PAX7: variants seen among roughly 807,000 people sequenced by gnomAD.
PAX7 encodes paired box 7.
Under a neutral mutation model 50.7 loss-of-function variants are expected in PAX7, and 18 were observed. The observed-to-expected ratio is 0.36, with a 90% CI of 0.25 to 0.53. The LOEUF is 0.53. PAX7 is among the 20% of genes least tolerant of loss of function. The pLI is 0.93. For missense variants in PAX7, 644 were observed against 702.9 expected (o/e 0.92, Z 0.95); for synonymous variants, 310 against 290.4 (o/e 1.07, Z -0.69).
Position 18,745,215 on chromosome 1 carries a change from T to C in PAX7, c.*286T>C. 1 of 462,248 alleles carries C rather than the reference T, an allele frequency of 2.2e-6. No individual in the cohort carries two copies. Among genetic ancestry groups the C allele is most frequent in the Non-Finnish European group, 3.9e-6 (1 of 256,330 alleles). The allele number at this position is 462,248 out of a possible 1,614,324, so 28.6% of individuals were successfully genotyped here. ...AAATCCCATGGTGGCCTCTGTGCCA[T>C]CTCAGGCATGGAGATTGGGGCCCAC... On this transcript the variant is annotated 3_prime_UTR_variant, in exon 9 of 9. Transcript: ENST00000420770.
At chr1:18,703,417 T>C (rs2089248328) in intron 7 of PAX7, 121 bp downstream of exon 7, 1 of 876,262 alleles carries the variant, frequency 1.1e-6, no homozygotes, top group Non-Finnish European at 1.8e-6. Context: ...GTTGGGGTTT[T>C]TGTTCTAGAA....
intron 4 of PAX7, among the ~76,000 whole-genome samples, chr1:18,683,957 T>G (rs973354892): frequency 6.6e-6 from 1 of 151,358 alleles, no homozygotes; most frequent in African/African-American, 2.4e-5. Flanking sequence ...TGAGGGAGGG[T>G]CGAGGGTTTC....
intron 7 of PAX7, 100 bp downstream of exon 7, chr1:18,703,396 G>A (rs2089248037): frequency 3.8e-6 from 4 of 1,046,182 alleles, no homozygotes; most frequent in Non-Finnish European, 5.8e-6. Flanking sequence ...TCCTGTAGCA[G>A]GCTGACTGCG....
At chr1:18,682,878 T>C (rs1185202431) in intron 4 of PAX7, among the ~76,000 whole-genome samples, 1 of 152,112 alleles carries the variant, frequency 6.6e-6, no homozygotes, top group Non-Finnish European at 1.5e-5. Context: ...TCAAGGGGAA[T>C]ATGCAGAGCC....
chr1:18,733,908 A>T (rs2089678572), intron 7 of PAX7, among the ~76,000 whole-genome samples: 1 of 151,990 alleles, frequency 6.6e-6, no homozygotes, highest in African/African-American at 2.4e-5. Context: ...TCAGTTTTTC[A>T]TCTGGGAAAT....
intron 5 of PAX7, among the ~76,000 whole-genome samples, chr1:18,693,772 T>TGG (rs758537904): frequency 3.8e-5 from 5 of 130,234 alleles, no homozygotes; most frequent in Non-Finnish European, 6.7e-5. Context: ...GGCACATTCC[T>TGG]GGGCGCTTTC....
intron 4 of PAX7, among the ~76,000 whole-genome samples, chr1:18,673,308 C>G (rs2088779057): frequency 6.6e-6 from 1 of 152,186 alleles, no homozygotes; most frequent in African/African-American, 2.4e-5. Flanking sequence ...CACCCGTTAC[C>G]ACTGTTTTAT....
At chr1:18,653,178 G>T (rs959015989) in intron 4 of PAX7, among the ~76,000 whole-genome samples, 46 of 138,610 alleles carry the variant, frequency 3.3e-4, no homozygotes, top group African/African-American at 5.8e-4. Flanking sequence ...GATTTGCTGG[G>T]TTTTTTTCAT....
chr1:18,736,639 A>T (rs994496464), intron 8 of PAX7, among the ~76,000 whole-genome samples: 2 of 152,200 alleles, frequency 1.3e-5, no homozygotes, highest in African/African-American at 4.8e-5. Context: ...TGTGTGTTTT[A>T]CACTTACAGC....
intron 7 of PAX7, among the ~76,000 whole-genome samples, chr1:18,712,841 G>A (rs1037017196): frequency 5.3e-5 from 8 of 152,180 alleles, no homozygotes; most frequent in South Asian, 2.1e-4. Context: ...CAGCACTTTG[G>A]GAGGCTGAGG....
In PAX7 at chr1:18,634,585, G is replaced by A. The variant is rs764549880; in HGVS notation, c.321+47G>A. The A allele has an allele frequency of 5.8e-6, 9 of 1,547,026 alleles. No individual in the cohort carries two copies. The East Asian group carries it at 1.8e-4, about 31-fold the overall frequency. On this transcript the variant is annotated intron_variant, in intron 2 of 8. Transcript: ENST00000420770. The surrounding 1 kb of genome is among the most constrained non-coding windows in gnomAD (Gnocchi z 4.0). ...GCTGGCAGCTGGCTTCCTATAGTCG[G>A]GGGCTCCTGGTTGTGGCCCCTCTTA...
chr1:18,685,703 T>C (rs1216425050), intron 4 of PAX7, among the ~76,000 whole-genome samples: 1 of 152,196 alleles, frequency 6.6e-6, no homozygotes, highest in Non-Finnish European at 1.5e-5. Context: ...GGGAACTGTA[T>C]GGGATGGCAA....
At chr1:18,652,443 A>G (rs2088448390) in intron 4 of PAX7, among the ~76,000 whole-genome samples, 1 of 152,234 alleles carries the variant, frequency 6.6e-6, no homozygotes, top group Admixed American at 6.5e-5. Context: ...TTCAGAAGGT[A>G]GATAAGGGCT....
intron 7 of PAX7, among the ~76,000 whole-genome samples, chr1:18,727,254 A>G (rs755072903): frequency 6.7e-4 from 90 of 134,318 alleles, no homozygotes; most frequent in Non-Finnish European, 1.2e-3. Flanking sequence ...CATGCATACA[A>G]CACACACACA....
At chr1:18,640,222 T>C (rs1309033602) in intron 4 of PAX7, among the ~76,000 whole-genome samples, 1 of 152,210 alleles carries the variant, frequency 6.6e-6, no homozygotes, top group South Asian at 2.1e-4. Context: ...GTGTCGGTTT[T>C]AGACACTTGT....
At chr1:18,702,355 T>G (rs1014771337) in intron 6 of PAX7, among the ~76,000 whole-genome samples, 1 of 151,848 alleles carries the variant, frequency 6.6e-6, no homozygotes, top group African/African-American at 2.4e-5. Flanking sequence ...AAAATTAAAT[T>G]TTAAAAAAGA....
intron 4 of PAX7, among the ~76,000 whole-genome samples, chr1:18,639,920 T>C (rs889941015): frequency 2.1e-5 from 3 of 143,740 alleles, no homozygotes; most frequent in African/African-American, 7.9e-5. Flanking sequence ...ATATGAAATA[T>C]AGGGAAAAGT....
chr1:18,655,770 G>GGTGTGTGTGTGTGTGTGTGTGT (rs549280757), intron 4 of PAX7, among the ~76,000 whole-genome samples: 2 of 143,670 alleles, frequency 1.4e-5, no homozygotes, highest in South Asian at 2.3e-4. Context: ...ACTTGGAGAG[G>GGTGTGTGTGTGTGTGTGTGTGT]GTGTGTGTGT....
chr1:18,742,544 C>A (rs796448617), intron 8 of PAX7, among the ~76,000 whole-genome samples: 24 of 152,198 alleles, frequency 1.6e-4, no homozygotes, highest in Admixed American at 3.9e-4. Context: ...GCTACAGAGT[C>A]CCCCCAAGGC....
Sources: allele counts gnomAD v4.1 joint callset (sites outside exome capture counted in the v4.1 genomes callset), GRCh38; gene constraint gnomAD v4.1.1; non-coding constraint Gnocchi (gnomAD v3.1); transcripts MANE v1.5; gene names NCBI Gene and HGNC (gene_info 2026-07-23, HGNC 2026-07-21).